The following ADGRL3 variants were observed in gnomAD, a reference collection of about 807,000 sequenced individuals.
ADGRL3 encodes adhesion G protein-coupled receptor L3.
In ADGRL3, 62 loss-of-function variants were observed where a neutral mutation model predicts 153.5. The ratio of observed to expected loss-of-function variants is 0.40; its 90% confidence interval spans 0.33 to 0.50. The LOEUF is 0.50. Among genes scored for constraint, ADGRL3 ranks in the 20% least tolerant of loss-of-function variants. ADGRL3 has a pLI of 0.47. For missense variants in ADGRL3, 1,641 were observed against 1,859.4 expected (o/e 0.88, Z 2.16); for synonymous variants, 710 against 672.5 (o/e 1.06, Z -0.86).
intron 9 of ADGRL3, among the ~76,000 whole-genome samples, chr4:61,864,897 G>A (rs1402929433): frequency 3.3e-5 from 5 of 152,166 alleles, no homozygotes; most frequent in African/African-American, 1.2e-4. Flanking sequence ...CGGAAGCATA[G>A]AATGTAATGT....
chr4:61,634,502 T>C (rs536321833), intron 5 of ADGRL3, among the ~76,000 whole-genome samples: 1 of 152,308 alleles, frequency 6.6e-6, no homozygotes, highest in East Asian at 1.9e-4. Context: ...TTTAATGCAG[T>C]GTGTCTATTT....
intron 2 of ADGRL3, among the ~76,000 whole-genome samples, chr4:61,438,710 CT>C (rs11372072): frequency 0.17 from 23,724 of 137,750 alleles, 2,058 homozygotes; most frequent in Middle Eastern, 0.26. Flanking sequence ...ATCTTTCTTT[CT>C]TTTTTTTTTT....
At chr4:61,539,132 C>G (rs2098674880) in intron 4 of ADGRL3, among the ~76,000 whole-genome samples, 1 of 152,158 alleles carries the variant, frequency 6.6e-6, no homozygotes, top group Non-Finnish European at 1.5e-5. Flanking sequence ...TGTGTCACCC[C>G]CTACACAAGC....
rs553125980 is a variant in ADGRL3, at chr4:61,894,476, T to A, written c.1784-1255T>A. ...AATCAGAGAACAGTTGGAAACCATC[T>A]TTTTTCTTAGCTCTGTTTTCTTGGT... is the stretch of plus-strand genomic sequence containing the variant. On this transcript the variant is annotated intron_variant, in intron 10 of 26. Transcript: ENST00000683033. 8.5e-5 allele frequency among the ~76,000 whole-genome samples: 13 copies of A among 152,320 alleles called. No homozygotes were observed. The South Asian group carries it at 2.7e-3, about 32-fold the overall frequency.
chr4:61,629,282 G>A (rs2093010850), intron 5 of ADGRL3, among the ~76,000 whole-genome samples: 1 of 152,110 alleles, frequency 6.6e-6, no homozygotes, highest in Non-Finnish European at 1.5e-5. Context: ...GCAATGTAGT[G>A]AGAGTAATTA....
intron 21 of ADGRL3, among the ~76,000 whole-genome samples, chr4:62,026,426 T>C (rs1718583146): frequency 6.6e-6 from 1 of 152,032 alleles, no homozygotes; most frequent in African/African-American, 2.4e-5. Context: ...CATATAACTA[T>C]AGCAAAGTAT....
At chr4:61,656,267 G>A (rs1226858913) in intron 5 of ADGRL3, among the ~76,000 whole-genome samples, 1 of 152,136 alleles carries the variant, frequency 6.6e-6, no homozygotes, top group Non-Finnish European at 1.5e-5. Context: ...TAAAAACTTA[G>A]TATGACTCAG....
intron 17 of ADGRL3, among the ~76,000 whole-genome samples, chr4:61,972,060 C>T (rs1224939639): frequency 6.6e-6 from 1 of 151,814 alleles, no homozygotes; most frequent in Non-Finnish European, 1.5e-5. Flanking sequence ...GATATTAGCC[C>T]TTTGTCAGAT....
chr4:61,917,305 T>C (rs1318922884), intron 13 of ADGRL3, among the ~76,000 whole-genome samples: 2 of 152,238 alleles, frequency 1.3e-5, no homozygotes, highest in Admixed American at 1.3e-4. Flanking sequence ...TTTTTTGCAC[T>C]GTATTTCAGG....
At chr4:61,394,536 A>G (rs2096848322) in intron 2 of ADGRL3, among the ~76,000 whole-genome samples, 1 of 151,994 alleles carries the variant, frequency 6.6e-6, no homozygotes, top group Non-Finnish European at 1.5e-5. Flanking sequence ...GGAATACCAC[A>G]CTTTTTCTTC....
intron 24 of ADGRL3, among the ~76,000 whole-genome samples, chr4:62,040,025 T>A (rs1727334962): frequency 6.6e-6 from 1 of 152,124 alleles, no homozygotes; most frequent in Non-Finnish European, 1.5e-5. Context: ...AATAATAAAC[T>A]CTGTGGGTGG....
chr4:61,768,211 G>A (rs2097026428), intron 8 of ADGRL3, among the ~76,000 whole-genome samples: 2 of 152,116 alleles, frequency 1.3e-5, no homozygotes, highest in Admixed American at 6.5e-5. Context: ...TGCTGGGCAG[G>A]TCGGGGAGGG....
chr4:61,770,794 A>G (rs1336760711), intron 8 of ADGRL3, among the ~76,000 whole-genome samples: 2 of 152,342 alleles, frequency 1.3e-5, no homozygotes, highest in African/African-American at 2.4e-5. Context: ...ATCGGAGAAC[A>G]TATTTCCAAC....
chr4:61,645,009 T>C (rs2093899117), intron 5 of ADGRL3, among the ~76,000 whole-genome samples: 2 of 152,212 alleles, frequency 1.3e-5, no homozygotes, highest in African/African-American at 4.8e-5. Flanking sequence ...TTAGCTCTTC[T>C]TGTTGAATTG....
intron 8 of ADGRL3, among the ~76,000 whole-genome samples, chr4:61,795,979 A>T (rs528047494): frequency 6.6e-6 from 1 of 152,172 alleles, no homozygotes; most frequent in African/African-American, 2.4e-5. Flanking sequence ...AGTAGCTGGG[A>T]TTACAGACAC....
chr4:61,713,428 T>C (rs1213562550), intron 6 of ADGRL3, among the ~76,000 whole-genome samples: 1 of 152,076 alleles, frequency 6.6e-6, no homozygotes, highest in Non-Finnish European at 1.5e-5. Context: ...AAATTGCGTA[T>C]AAACATTTCA....
At chr4:61,625,328 G>A (rs2149910455) in intron 5 of ADGRL3, among the ~76,000 whole-genome samples, 1 of 151,990 alleles carries the variant, frequency 6.6e-6, no homozygotes, top group Non-Finnish European at 1.5e-5. Flanking sequence ...AACATAATTG[G>A]TAGTATTTAT....
chr4:61,519,730 T>C (rs903401735), intron 4 of ADGRL3, among the ~76,000 whole-genome samples: 13 of 152,138 alleles, frequency 8.5e-5, no homozygotes, highest in Admixed American at 3.3e-4. Flanking sequence ...TGAAAAGACA[T>C]GGAGGAATTT....
chr4:61,778,390 C>T (rs73823233), intron 8 of ADGRL3, among the ~76,000 whole-genome samples: 7,885 of 152,242 alleles, frequency 0.052, 564 homozygotes, highest in African/African-American at 0.16. Flanking sequence ...AAACAGCTTT[C>T]ACCAGTTGTT....
Sources: allele counts gnomAD v4.1 joint callset (sites outside exome capture counted in the v4.1 genomes callset), GRCh38; gene constraint gnomAD v4.1.1; transcripts MANE v1.5; gene names NCBI Gene and HGNC (gene_info 2026-07-23, HGNC 2026-07-21).